The following ACCSL variants were observed in gnomAD, a reference collection of about 807,000 sequenced individuals.
ACCSL encodes the protein 1-aminocyclopropane-1-carboxylate synthase homolog (inactive) like.
ACCSL carries 55 observed loss-of-function variants against 61.7 expected under a neutral mutation model. The observed-to-expected ratio is 0.89, with a 90% confidence interval of 0.72 to 1.12. The LOEUF (loss-of-function observed/expected upper bound fraction) is 1.12, where lower values mean the gene tolerates loss of function less well. Ranked by LOEUF, ACCSL falls within the 50% of genes most tolerant of loss-of-function variation. ACCSL has a pLI of 0.00. For missense variants in ACCSL, 632 were observed against 698.0 expected (o/e 0.91, Z 1.07); for synonymous variants, 258 against 264.3 (o/e 0.98, Z 0.23).
the ACCSL span, among the ~76,000 whole-genome samples, chr11:43,988,478 G>C: frequency 6.6e-6 from 1 of 151,808 alleles, no homozygotes; most frequent in African/African-American, 2.4e-5. Context: ...AGAGGGGAGA[G>C]GTTGCATCAT....
At chr11:43,965,454 C>CT in the ACCSL span, among the ~76,000 whole-genome samples, 1 of 152,068 alleles carries the variant, frequency 6.6e-6, no homozygotes, top group South Asian at 2.1e-4. Context: ...AAATAAAGAA[C>CT]ACCTGAGTAA....
chr11:44,017,185 C>A, the ACCSL span, among the ~76,000 whole-genome samples: 1 of 152,124 alleles, frequency 6.6e-6, no homozygotes, highest in Non-Finnish European at 1.5e-5. Context: ...GCAAGGTGGC[C>A]TGGGCTGTTC....
chr11:44,059,765 C>T, intron 13 of ACCSL, 73 bp from the exon 14 acceptor site: 9 of 1,262,106 alleles, frequency 7.1e-6, no homozygotes, highest in Non-Finnish European at 1.0e-5. Context: ...TGACCATGAC[C>T]TGGGTATGTC....
chr11:43,985,794 C>A, the ACCSL span, among the ~76,000 whole-genome samples: 2 of 152,090 alleles, frequency 1.3e-5, no homozygotes, highest in African/African-American at 4.8e-5. Context: ...GTGGCTCACG[C>A]CTGTACTTTG....
Position 44,051,388 on chromosome 11 carries a change from G to T in ACCSL, c.689G>T (p.Arg230Leu). Residue 230 changes from arginine to leucine, a missense_variant, in exon 4 of 14, where the codon CGA (arginine) becomes CTA (leucine). Transcript: ENST00000378832. ...FLTYYCRAPT[R>L]LDPENVVVLN... ...ACCTACTACTGCAGGGCACCTACCC[G>T]ACTTGACCCAGAAAATGTGAGTCAG... 1 of 1,614,166 alleles carries T rather than the reference G, an allele frequency of 6.2e-7. No homozygotes were observed. Among genetic ancestry groups the T allele is most frequent in the East Asian group, 2.2e-5 (1 of 44,872 alleles).
the ACCSL span, among the ~76,000 whole-genome samples, chr11:44,037,129 C>T: frequency 4.9e-3 from 739 of 152,326 alleles, 12 homozygotes; most frequent in African/African-American, 0.017. Flanking sequence ...TTTCCCCAAC[C>T]TTGGAACCTA....
chr11:44,051,450 A>G, intron 4 of ACCSL, 46 bp downstream of exon 4: 4 of 1,606,664 alleles, frequency 2.5e-6, no homozygotes, highest in South Asian at 2.2e-5. Context: ...GGAGGGCTAT[A>G]TTCTTGGAGG....
At chr11:44,053,640 T>G in intron 8 of ACCSL, 134 bp downstream of exon 8, 1 of 740,824 alleles carries the variant, frequency 1.3e-6, no homozygotes, top group Non-Finnish European at 2.2e-6. Context: ...AGAAGGTGGA[T>G]CACTTGAGGT....
intron 1 of ACCSL, 109 bp downstream of exon 1, chr11:44,048,649 T>C (rs1565157867): frequency 9.1e-7 from 1 of 1,096,562 alleles, no homozygotes; most frequent in Non-Finnish European, 1.3e-6. Flanking sequence ...TATAGCCTTA[T>C]GAAACGGGCA....
the ACCSL span, among the ~76,000 whole-genome samples, chr11:43,951,862 A>C: frequency 6.6e-6 from 1 of 152,160 alleles, no homozygotes; most frequent in Non-Finnish European, 1.5e-5. Flanking sequence ...TTAGCCAGGC[A>C]TGTTGGCGCA....
At chr11:44,015,685 G>A in the ACCSL span, among the ~76,000 whole-genome samples, 3 of 152,152 alleles carry the variant, frequency 2.0e-5, no homozygotes, top group Admixed American at 1.3e-4. Flanking sequence ...ATAAGAATGC[G>A]GCTAGGTTTG....
At chr11:44,045,536 T>TA (rs1952592874), upstream of ACCSL, among the ~76,000 whole-genome samples, 1 of 152,178 alleles carries the variant, frequency 6.6e-6, no homozygotes, top group South Asian at 2.1e-4. Context: ...GTTTGCTATA[T>TA]AAATCTGCCC....
rs759566018 is a variant in ACCSL at position 44,058,178 on chromosome 11, T to C, written c.1328-139T>C. The C allele has an allele frequency of 1.5e-5, 17 of 1,119,206 alleles. No homozygotes were observed. In the South Asian group the frequency reaches 1.8e-4, roughly 12 times the overall value. The allele number at this position is 1,119,206 out of a possible 1,614,324, so 69.3% of individuals were successfully genotyped here. ...ACAGAGGGAAACTCTGGTTTTTTTGTTTTTTTTAAAAACAGACAAACAAAA... is the reference window on the plus strand; with the variant it reads ...ACAGAGGGAAACTCTGGTTTTTTTGCTTTTTTTAAAAACAGACAAACAAAA... On this transcript the variant is annotated intron_variant, in intron 11 of 13. Transcript: ENST00000378832.
At chr11:43,937,352 C>CA in the ACCSL span, among the ~76,000 whole-genome samples, 82 of 152,304 alleles carry the variant, frequency 5.4e-4, 1 homozygote, top group African/African-American at 1.8e-3. Context: ...GACTGAGGGG[C>CA]AGCCGTCAGT....
At chr11:44,053,592 G>T (rs997860891) in intron 8 of ACCSL, 86 bp downstream of exon 8, 1 of 1,268,694 alleles carries the variant, frequency 7.9e-7, no homozygotes. Flanking sequence ...GCCAGATCTG[G>T]TGGCACATGC....
At chr11:44,032,248 G>T in the ACCSL span, among the ~76,000 whole-genome samples, 1 of 152,102 alleles carries the variant, frequency 6.6e-6, no homozygotes, top group Non-Finnish European at 1.5e-5. Flanking sequence ...ACCTTCCAGG[G>T]TCTCTCTCTA....
At chr11:43,948,823 A>G in the ACCSL span, among the ~76,000 whole-genome samples, 294 of 152,280 alleles carry the variant, frequency 1.9e-3, no homozygotes, top group African/African-American at 6.4e-3. Context: ...CTCCTGCTAC[A>G]GGGAGTGTAA....
the ACCSL span, among the ~76,000 whole-genome samples, chr11:43,931,562 C>G: frequency 6.6e-6 from 1 of 152,194 alleles, no homozygotes; most frequent in African/African-American, 2.4e-5. Flanking sequence ...AGTGCCACTT[C>G]TGCCTGGCTG....
At chr11:43,944,195 C>T in the ACCSL span, 1 of 224,298 alleles carries the variant, frequency 4.5e-6, no homozygotes, top group African/African-American at 2.3e-5. Flanking sequence ...CTCCTCCGTA[C>T]AGTTCACTTC....
Sources: allele counts gnomAD v4.1 joint callset (sites outside exome capture counted in the v4.1 genomes callset), GRCh38; gene constraint gnomAD v4.1.1; transcripts MANE v1.5; gene names NCBI Gene and HGNC (gene_info 2026-07-23, HGNC 2026-07-21).